The following MTX3 variants were observed in gnomAD, a reference collection of about 807,000 sequenced individuals.
MTX3 encodes metaxin 3.
In MTX3, 27 loss-of-function variants were observed where a neutral mutation model predicts 42.5. The observed-to-expected ratio is 0.64, with a 90% CI of 0.47 to 0.88. The LOEUF (loss-of-function observed/expected upper bound fraction) is 0.88, where lower values mean the gene tolerates loss of function less well. MTX3 is among the 40% of genes least tolerant of loss of function. MTX3 has a pLI of 0.00. For synonymous variants in MTX3, 144 were observed against 132.9 expected, an observed-to-expected ratio of 1.08 and a Z score of -0.57; for missense variants, 378 against 367.0, an observed-to-expected ratio of 1.03 and a Z score of -0.25.
In MTX3 at chr5:79,977,185, G is replaced by A. The variant is rs1463580482; in HGVS notation, c.*6499C>T. Reference sequence around the variant, plus strand: ...AATTAAAAATCAAGTCAGAAGAGAAGTAAAACTCATTTTTATGCATTTAAC... The same window carrying A: ...AATTAAAAATCAAGTCAGAAGAGAAATAAAACTCATTTTTATGCATTTAAC... On this transcript the variant is annotated 3_prime_UTR_variant, in exon 9 of 9. Transcript: ENST00000512528. 6.6e-6 allele frequency: 1 copy of A among 152,124 alleles called. No individual in the cohort carries two copies. 9.4% of individuals were successfully genotyped at this position (152,124 alleles called of 1,614,324 possible). A position where few individuals can be genotyped will look rare whatever the true frequency, so the allele number is the denominator to read the frequency against.
rs1358810673 is a variant in MTX3 at position 79,979,430 on chromosome 5, CAT to C, written c.*4252_*4253del. 6.6e-6 allele frequency: 1 copy of C among 152,136 alleles called. No individual in the cohort carries two copies. Among genetic ancestry groups the C allele is most frequent in the African/African-American group, 2.4e-5 (1 of 41,416 alleles). 9.4% of individuals were successfully genotyped at this position (152,136 alleles called of 1,614,324 possible). Reference sequence around the variant, plus strand: ...AAAAAATATTTCTTAACATCAAGAACATATACAAAAGATGATCATTACCACCC... The same window carrying C: ...AAAAAATATTTCTTAACATCAAGAACATACAAAAGATGATCATTACCACCC... On this transcript the variant is annotated 3_prime_UTR_variant, in exon 9 of 9. Coordinates refer to ENST00000512528, the MANE Select transcript of MTX3 (RefSeq NM_001363818.2).
At position 79,983,679 on chromosome 5, in the gene MTX3, T is replaced by C. The variant is rs751991050; in HGVS notation, c.*5A>G. ...TTTGACTTTGGCCACAAACCATGACTACTCTCAGGGCGAAAGCCGTTGGAA... is the reference window on the plus strand; with the variant it reads ...TTTGACTTTGGCCACAAACCATGACCACTCTCAGGGCGAAAGCCGTTGGAA... On this transcript the variant is annotated 3_prime_UTR_variant, in exon 9 of 9. Transcript: ENST00000512528. 20 of 1,603,478 alleles carry C rather than the reference T, an allele frequency of 1.2e-5. No homozygotes were observed. In the Admixed American group the frequency reaches 3.2e-4, roughly 25 times the overall value.
intron 8 of MTX3, among the ~76,000 whole-genome samples, chr5:79,985,271 G>A (rs974643642): frequency 1.3e-5 from 2 of 151,966 alleles, no homozygotes; most frequent in Admixed American, 6.6e-5. Context: ...GTGACCCACC[G>A]CGCCCGGCCG....
At position 79,990,233 on chromosome 5, in the gene MTX3, T is replaced by C; in HGVS notation, c.155A>G (p.Asp52Gly). The C allele has an allele frequency of 6.2e-7, 1 of 1,604,136 alleles. No homozygotes were observed. The highest frequency in any genetic ancestry group is 1.1e-5 in the South Asian group (1 of 89,064). Residue 52 changes from aspartate to glycine, a missense_variant, in exon 3 of 9, where the codon GAT (aspartate) becomes GGT (glycine). Coordinates refer to ENST00000512528, the MANE Select transcript of MTX3 (RefSeq NM_001363818.2). ...IDNTWRGSRGDVPILTTEDDM... is the reference protein window; with the variant it reads ...IDNTWRGSRGGVPILTTEDDM... ...GTCTTCAGTTGTCAAAATTGGTACA[T>C]CGCCTATAATCAAAAAACAGTTTAC...
In MTX3 at chr5:79,988,648, C is replaced by T. The variant is rs1307310861; in HGVS notation, c.322-4G>A. On this transcript the variant is annotated splice_polypyrimidine_tract_variant and splice_region_variant and intron_variant, in intron 4 of 8. Transcript: ENST00000512528. ...TCTCAACCCAGAATGTGTGAAGCTG[C>T]AAAAGAAGAGAAAAAACACTACAAG... The T allele has an allele frequency of 3.2e-6, 5 of 1,562,926 alleles. No individual in the cohort carries two copies. The highest frequency in any genetic ancestry group is 1.4e-5 in the African/African-American group (1 of 73,068).
In MTX3 at chr5:79,981,496, A is replaced by G. The variant is rs1327382565; in HGVS notation, c.*2188T>C. 2 of 152,244 alleles carry G rather than the reference A, an allele frequency of 1.3e-5. No individual in the cohort carries two copies. Among genetic ancestry groups the G allele is most frequent in the African/African-American group, 2.4e-5 (1 of 41,472 alleles). 9.4% of individuals were successfully genotyped at this position (152,244 alleles called of 1,614,324 possible). On this transcript the variant is annotated 3_prime_UTR_variant, in exon 9 of 9. Transcript: ENST00000512528. ...TGTTATTCTAAAATGACCTCTTTTG[A>G]TTAAAATTTCAGTTCATAAAACATT...
chr5:79,985,670 A>T lies in MTX3; in HGVS notation c.740-11T>A. 6.3e-7 allele frequency: 1 copy of T among 1,596,298 alleles called. No individual in the cohort carries two copies. Among genetic ancestry groups the T allele is most frequent in the East Asian group, 2.2e-5 (1 of 44,776 alleles). On this transcript the variant is annotated splice_polypyrimidine_tract_variant and intron_variant, in intron 7 of 8. Transcript: ENST00000512528. ...CAGCTGGAGAGATGCCTAAGAAGCCAGGACAGAAATCAGAGAAAGACAGGA... is the reference window on the plus strand; with the variant it reads ...CAGCTGGAGAGATGCCTAAGAAGCCTGGACAGAAATCAGAGAAAGACAGGA...
chr5:79,978,182 G>A lies in MTX3; in HGVS notation c.*5502C>T, dbSNP rs1240607117. Reference sequence around the variant, plus strand: ...CCCATTTTACTACCACTGGCTAGAGGGGCACCCAACAACAAGAAACCTTTG... The same window carrying A: ...CCCATTTTACTACCACTGGCTAGAGAGGCACCCAACAACAAGAAACCTTTG... On this transcript the variant is annotated 3_prime_UTR_variant, in exon 9 of 9. Transcript: ENST00000512528. 6.6e-6 allele frequency: 1 copy of A among 152,202 alleles called. No homozygotes were observed. Among genetic ancestry groups the A allele is most frequent in the Non-Finnish European group, 1.5e-5 (1 of 68,092 alleles). The allele number at this position is 152,202 out of a possible 1,614,324, so 9.4% of individuals were successfully genotyped here. A position where few individuals can be genotyped will look rare whatever the true frequency, so the allele number is the denominator to read the frequency against.
At chr5:79,986,894 TATAC>T (rs1230569460) in intron 7 of MTX3, 52 bp downstream of exon 7, 2 of 1,543,398 alleles carry the variant, frequency 1.3e-6, no homozygotes, top group Non-Finnish European at 1.8e-6. Flanking sequence ...GGATTTTGCT[TATAC>T]ATACATAGGA....
At position 79,991,245 on chromosome 5, in the gene MTX3, C is replaced by T; in HGVS notation, c.-7G>A. On this transcript the variant is annotated 5_prime_UTR_variant, in exon 1 of 9. Transcript: ENST00000512528. ...GTTCCAAGGGGGCCGCCATCTTGCG[C>T]GGGCCGACCTTTACTATCCCGGAAG... The T allele has an allele frequency of 6.9e-7, 1 of 1,448,306 alleles. No individual in the cohort carries two copies. Among genetic ancestry groups the T allele is most frequent in the East Asian group, 2.5e-5 (1 of 39,394 alleles). 89.7% of individuals were successfully genotyped at this position (1,448,306 alleles called of 1,614,324 possible).
chr5:79,985,712 A>C, intron 7 of MTX3, 53 bp from the exon 8 acceptor site: 2 of 1,316,176 alleles, frequency 1.5e-6, no homozygotes, highest in Non-Finnish European at 2.2e-6. Context: ...TAAAGCCTTT[A>C]AAGCTATTTA....
chr5:79,986,208 T>C (rs1430934606), intron 7 of MTX3, among the ~76,000 whole-genome samples: 7 of 152,240 alleles, frequency 4.6e-5, no homozygotes, highest in Admixed American at 2.0e-4. Flanking sequence ...TGCTAACCAC[T>C]GCTCCCAAGT....
intron 7 of MTX3, among the ~76,000 whole-genome samples, 200 bp from the exon 8 acceptor site, chr5:79,985,859 G>T (rs1330993285): frequency 6.6e-6 from 1 of 150,476 alleles, no homozygotes; most frequent in Admixed American, 6.6e-5. Context: ...GAGCAAAACG[G>T]ACAAAAATTT....
Position 79,983,649 on chromosome 5 carries a change from A to C in MTX3, c.*35T>G, listed in dbSNP as rs1831421737. ...ACTTGGTGTAAGAGATTACTGCAAC[A>C]ATCGTTTGACTTTGGCCACAAACCA... is the stretch of plus-strand genomic sequence containing the variant. On this transcript the variant is annotated 3_prime_UTR_variant, in exon 9 of 9. Coordinates refer to ENST00000512528, the MANE Select transcript of MTX3 (RefSeq NM_001363818.2). 1.4e-6 allele frequency: 2 copies of C among 1,455,676 alleles called. No individual in the cohort carries two copies. Among genetic ancestry groups the C allele is most frequent in the African/African-American group, 1.4e-5 (1 of 71,664 alleles). 90.2% of individuals were successfully genotyped at this position (1,455,676 alleles called of 1,614,324 possible).
chr5:79,990,947 C>T (rs1831640455), intron 1 of MTX3: 1 of 717,992 alleles, frequency 1.4e-6, no homozygotes, highest in African/African-American at 1.7e-5. Context: ...AAACTCGGAG[C>T]CAAGCGGAGA....
chr5:79,990,334 G>A lies in MTX3; in HGVS notation c.152-98C>T, dbSNP rs557031246. ...CTATAGCAGTTGCACATTTAGAGGG[G>A]AAAAAATGAGTAAGCTTGTCTTGGT... On this transcript the variant is annotated intron_variant, in intron 2 of 8. Coordinates refer to ENST00000512528, the MANE Select transcript of MTX3 (RefSeq NM_001363818.2). 261 of 808,966 alleles carry A rather than the reference G, an allele frequency of 3.2e-4. 2 individuals are homozygous for A. The African/African-American group carries it at 4.0e-3, about 13-fold the overall frequency. The allele number at this position is 808,966 out of a possible 1,614,324, so 50.1% of individuals were successfully genotyped here.
Position 79,986,896 on chromosome 5 carries a change from T to C in MTX3, c.739+54A>G, listed in dbSNP as rs564210709. 3.0e-5 allele frequency: 47 copies of C among 1,555,754 alleles called. No homozygotes were observed. In the South Asian group the frequency reaches 3.8e-4, roughly 12 times the overall value. On this transcript the variant is annotated intron_variant, in intron 7 of 8. Coordinates refer to ENST00000512528, the MANE Select transcript of MTX3 (RefSeq NM_001363818.2). ...TAAAATAAGTAGTGGATTTTGCTTA[T>C]ACATACATAGGAGAATATGCAAACA...
chr5:79,984,430 C>A (rs1358530899), intron 8 of MTX3, among the ~76,000 whole-genome samples: 1 of 152,080 alleles, frequency 6.6e-6, no homozygotes, highest in East Asian at 1.9e-4. Context: ...GAAGCTAGTA[C>A]ATTAGGCAAA....
At position 79,980,174 on chromosome 5, in the gene MTX3, T is replaced by G. The variant is rs1015690310; in HGVS notation, c.*3510A>C. 2.0e-5 allele frequency: 3 copies of G among 151,948 alleles called. No individual in the cohort carries two copies. Among genetic ancestry groups the G allele is most frequent in the African/African-American group, 7.3e-5 (3 of 41,344 alleles). The allele number at this position is 151,948 out of a possible 1,614,324, so 9.4% of individuals were successfully genotyped here. On this transcript the variant is annotated 3_prime_UTR_variant, in exon 9 of 9. Transcript: ENST00000512528. ...GGTAAATGCATATTTTTGGAGGAGG[T>G]TCTAAGGAAACACTACCAAGTTCAA... is the stretch of plus-strand genomic sequence containing the variant.
Sources: gnomAD v4.1 joint callset for allele counts (sites outside exome capture counted in the v4.1 genomes callset) on GRCh38, gnomAD v4.1.1 for gene constraint, MANE v1.5 for transcripts, NCBI Gene and HGNC (gene_info 2026-07-23, HGNC 2026-07-21) for gene names.